Variants in LRRC37A2 observed in about 807,000 individuals in gnomAD.
LRRC37A2 encodes leucine rich repeat containing 37 member A2.
In LRRC37A2, 9 loss-of-function variants were observed where a neutral mutation model predicts 68.8. The ratio of observed to expected loss-of-function variants is 0.13; its 90% confidence interval spans 0.08 to 0.23. The LOEUF is 0.23. Among genes scored for constraint, LRRC37A2 ranks in the 10% least tolerant of loss-of-function variants. LRRC37A2 has a pLI of 1.00. For synonymous variants in LRRC37A2, 63 were observed against 367.6 expected (o/e 0.17, Z 9.48); for missense variants, 168 against 950.4 (o/e 0.18, Z 10.82).
chr17:46,712,798 C>A, the LRRC37A2 span, among the ~76,000 whole-genome samples: 1 of 152,140 alleles, frequency 6.6e-6, no homozygotes. Context: ...ACAAAAGAGA[C>A]TGAGCAAGAG....
chr17:46,831,722 G>T, the LRRC37A2 span, among the ~76,000 whole-genome samples: 1 of 152,222 alleles, frequency 6.6e-6, no homozygotes, highest in African/African-American at 2.4e-5. Context: ...ACAGAGGAGG[G>T]GACTGGGAAA....
chr17:46,456,208 ATATG>A, the LRRC37A2 span, among the ~76,000 whole-genome samples: 9 of 20,618 alleles, frequency 4.4e-4, no homozygotes, highest in Non-Finnish European at 8.0e-4. Flanking sequence ...ATTCCATGGG[ATATG>A]TGTGTGTGTG....
the LRRC37A2 span, among the ~76,000 whole-genome samples, chr17:47,012,833 C>T: frequency 2.0e-5 from 3 of 152,184 alleles, no homozygotes; most frequent in Admixed American, 6.5e-5. Flanking sequence ...AAAGCTTAAA[C>T]CTAGGGTTAC....
At chr17:46,873,688 G>A in the LRRC37A2 span, among the ~76,000 whole-genome samples, 4 of 152,036 alleles carry the variant, frequency 2.6e-5, no homozygotes, top group Non-Finnish European at 4.4e-5. Flanking sequence ...ATGAAACCCC[G>A]TCTCTACTAA....
chr17:46,821,556 C>T, the LRRC37A2 span, among the ~76,000 whole-genome samples: 1 of 152,152 alleles, frequency 6.6e-6, no homozygotes, highest in South Asian at 2.1e-4. Context: ...CACTCCAAGA[C>T]CAGGAAGGGA....
At chr17:47,012,093 C>T in the LRRC37A2 span, among the ~76,000 whole-genome samples, 1 of 152,308 alleles carries the variant, frequency 6.6e-6, no homozygotes, top group East Asian at 1.9e-4. Flanking sequence ...TGAAATCAAT[C>T]TATGATGGTT....
At chr17:46,910,746 C>T in the LRRC37A2 span, among the ~76,000 whole-genome samples, 2,621 of 152,240 alleles carry the variant, frequency 0.017, 80 homozygotes, top group African/African-American at 0.058. Context: ...AGCTTGGAAG[C>T]GGGGACAAAT....
At chr17:46,979,003 T>A in the LRRC37A2 span, 1 of 1,410,566 alleles carries the variant, frequency 7.1e-7, no homozygotes, top group Non-Finnish European at 9.1e-7. Flanking sequence ...GAAGGTCGCG[T>A]TCATCGCCGC....
At chr17:47,014,891 T>G in the LRRC37A2 span, among the ~76,000 whole-genome samples, 1 of 152,094 alleles carries the variant, frequency 6.6e-6, no homozygotes, top group Non-Finnish European at 1.5e-5. Context: ...TTTCTGTCAA[T>G]CATTTACAAT....
the LRRC37A2 span, among the ~76,000 whole-genome samples, chr17:46,902,526 A>G: frequency 5.9e-5 from 9 of 151,728 alleles, no homozygotes; most frequent in Admixed American, 5.9e-4. Context: ...ATGCTATGGC[A>G]GGAAGTTTTC....
the LRRC37A2 span, among the ~76,000 whole-genome samples, chr17:47,006,611 CAAAT>C: frequency 2.0e-5 from 3 of 152,200 alleles, no homozygotes; most frequent in East Asian, 1.9e-4. Flanking sequence ...GACTCTGTCT[CAAAT>C]AAATAAATAA....
the LRRC37A2 span, among the ~76,000 whole-genome samples, chr17:46,805,755 C>A: frequency 5.9e-5 from 9 of 152,174 alleles, no homozygotes; most frequent in Admixed American, 2.0e-4. Flanking sequence ...TGTCTCAAAC[C>A]AAACCAAACT....
chr17:46,489,589 A>G, the LRRC37A2 span, among the ~76,000 whole-genome samples: 2 of 148,874 alleles, frequency 1.3e-5, no homozygotes, highest in African/African-American at 5.1e-5. Flanking sequence ...TGGTTCAAGC[A>G]GTTCTCCTGC....
chr17:46,932,177 T>C, the LRRC37A2 span: 4 of 1,614,020 alleles, frequency 2.5e-6, no homozygotes, highest in Admixed American at 1.7e-5. Context: ...GAAGAGCTTC[T>C]GTCTCGAACC....
the LRRC37A2 span, among the ~76,000 whole-genome samples, chr17:46,770,278 G>C: frequency 1.3e-5 from 2 of 152,238 alleles, no homozygotes; most frequent in Non-Finnish European, 2.9e-5. Context: ...CTGCTGATTA[G>C]CTCAGGACCT....
the LRRC37A2 span, among the ~76,000 whole-genome samples, chr17:46,959,545 T>G: frequency 1.3e-5 from 2 of 151,766 alleles, no homozygotes; most frequent in East Asian, 3.9e-4. Context: ...CCCAGGTTTT[T>G]GGGAAAAAAA....
chr17:46,878,801 C>T, the LRRC37A2 span, among the ~76,000 whole-genome samples: 2 of 152,298 alleles, frequency 1.3e-5, no homozygotes, highest in South Asian at 2.1e-4. Flanking sequence ...GTGCCAGGGT[C>T]GTGGGAGGGC....
chr17:46,984,675 C>T, the LRRC37A2 span, among the ~76,000 whole-genome samples: 2 of 152,196 alleles, frequency 1.3e-5, no homozygotes, highest in Non-Finnish European at 2.9e-5. Context: ...AAGTCCCCCT[C>T]CTCCAGATCT....
At chr17:46,771,294 G>C in the LRRC37A2 span, among the ~76,000 whole-genome samples, 1 of 152,110 alleles carries the variant, frequency 6.6e-6, no homozygotes, top group Non-Finnish European at 1.5e-5. Flanking sequence ...GTCCAGTTGT[G>C]CTCCCGGCCT....
Sources: allele counts gnomAD v4.1 joint callset (sites outside exome capture counted in the v4.1 genomes callset), GRCh38; gene constraint gnomAD v4.1.1; transcripts MANE v1.5; gene names NCBI Gene and HGNC (gene_info 2026-07-23, HGNC 2026-07-21).